SDCCAG8: variants seen among roughly 807,000 people sequenced by gnomAD.
SDCCAG8 encodes SHH signaling and ciliogenesis regulator SDCCAG8, also known as serologically defined colon cancer antigen 8.
In SDCCAG8, 74 loss-of-function variants were observed where a neutral mutation model predicts 101.8. The observed-to-expected ratio is 0.73, with a 90% CI of 0.60 to 0.88. The LOEUF is 0.88. SDCCAG8 is among the 40% of genes least tolerant of loss of function. The pLI, the probability that SDCCAG8 is intolerant of heterozygous loss-of-function variation, is 0.00. For missense variants in SDCCAG8, 787 were observed against 822.6 expected (o/e 0.96, Z 0.53); for synonymous variants, 281 against 292.9 (o/e 0.96, Z 0.41).
intron 12 of SDCCAG8, among the ~76,000 whole-genome samples, chr1:243,367,432 G>GTTT (rs559856164): frequency 1.3e-5 from 2 of 148,276 alleles, no homozygotes; most frequent in Admixed American, 6.8e-5. Context: ...GTTAGGTGTA[G>GTTT]TTTTTTTTTT....
chr1:243,436,214 A>C (rs1198987615), intron 16 of SDCCAG8, among the ~76,000 whole-genome samples: 1 of 151,220 alleles, frequency 6.6e-6, no homozygotes, highest in African/African-American at 2.4e-5. Flanking sequence ...TGTGAAGAGC[A>C]AAAGAACAAA....
intron 5 of SDCCAG8, 52 bp from the exon 6 acceptor site, chr1:243,293,039 A>C: frequency 6.2e-7 from 1 of 1,603,844 alleles, no homozygotes; most frequent in South Asian, 1.1e-5. Context: ...TAAAATATGC[A>C]TGTTTATTTA....
At chr1:243,407,131 A>G (rs929470401) in intron 13 of SDCCAG8, among the ~76,000 whole-genome samples, 10 of 152,072 alleles carry the variant, frequency 6.6e-5, no homozygotes, top group Admixed American at 1.3e-4. Context: ...GCATCCCCAT[A>G]CTTTTGTGCT....
chr1:243,378,702 C>T lies in SDCCAG8; in HGVS notation c.1474-19C>T, dbSNP rs777106641. The T allele has an allele frequency of 3.1e-6, 5 of 1,613,174 alleles. No homozygotes were observed. In the East Asian group the frequency reaches 8.9e-5, roughly 29 times the overall value. ...CATGTATTTTATATGGATGCTTTTT[C>T]CCCTTCTCTCTACCTAAGGAAATAG... is the stretch of plus-strand genomic sequence containing the variant. On this transcript the variant is annotated intron_variant, in intron 12 of 17. Coordinates refer to ENST00000366541, the MANE Select transcript of SDCCAG8 (RefSeq NM_006642.5).
chr1:243,500,085 T>C lies in SDCCAG8; in HGVS notation c.*300T>C, dbSNP rs941385064. On this transcript the variant is annotated 3_prime_UTR_variant, in exon 18 of 18. Transcript: ENST00000366541. The stretch of plus-strand genomic sequence containing the variant: ...ATATGATTTTCAATAAATGAACTTT[T>C]TAAAGACTTGAGTTGTAATGTTTCC... The C allele has an allele frequency of 2.4e-6, 1 of 421,210 alleles. No individual in the cohort carries two copies. The highest frequency in any genetic ancestry group is 2.0e-5 in the African/African-American group (1 of 51,226). 26.1% of individuals were successfully genotyped at this position (421,210 alleles called of 1,614,324 possible).
At position 243,458,752 on chromosome 1, in the gene SDCCAG8, G is replaced by T. The variant is rs1443585580; in HGVS notation, c.1986-30262G>T. Among the ~76,000 whole-genome samples, 1 of 152,212 alleles carries T rather than the reference G, an allele frequency of 6.6e-6. No homozygotes were observed. Among genetic ancestry groups the T allele is most frequent in the East Asian group, 1.9e-4 (1 of 5,202 alleles). On this transcript the variant is annotated intron_variant, in intron 16 of 17. Transcript: ENST00000366541. The surrounding 1 kb of genome is among the most constrained non-coding windows in gnomAD (Gnocchi z 4.5). ...GCTCCCATAATAGTAAAAATTTTTA[G>T]AAGCGCTTCCTGTGATTCCAGTCAG...
At chr1:243,369,607 G>A (rs960151308) in intron 12 of SDCCAG8, among the ~76,000 whole-genome samples, 1 of 152,130 alleles carries the variant, frequency 6.6e-6, no homozygotes, top group Non-Finnish European at 1.5e-5. Context: ...TGCATCTCTT[G>A]AGAGCCATTT....
At chr1:243,285,460 C>A (rs1258896438) in intron 4 of SDCCAG8, among the ~76,000 whole-genome samples, 1 of 152,098 alleles carries the variant, frequency 6.6e-6, no homozygotes, top group Admixed American at 6.5e-5. Context: ...ACTGAAAATT[C>A]AAAGTCCACA....
At chr1:243,428,060 G>A (rs945937797) in intron 16 of SDCCAG8, among the ~76,000 whole-genome samples, 4 of 152,248 alleles carry the variant, frequency 2.6e-5, no homozygotes, top group African/African-American at 9.6e-5. Flanking sequence ...CCCCAGTCCT[G>A]TGCACCTGGG....
At chr1:243,313,103 T>C (rs964350891) in intron 8 of SDCCAG8, among the ~76,000 whole-genome samples, 1 of 152,232 alleles carries the variant, frequency 6.6e-6, no homozygotes, top group African/African-American at 2.4e-5. Flanking sequence ...TTTCTGGGGC[T>C]TTAGTCCAGC....
At chr1:243,367,844 A>G (rs1440148987) in intron 12 of SDCCAG8, among the ~76,000 whole-genome samples, 1 of 151,310 alleles carries the variant, frequency 6.6e-6, no homozygotes, top group East Asian at 1.9e-4. Flanking sequence ...ATATATTAAC[A>G]TTTTAAGTGG....
Position 243,499,980 on chromosome 1 carries a change from A to C in SDCCAG8, c.*195A>C. 2 of 629,180 alleles carry C rather than the reference A, an allele frequency of 3.2e-6. No individual in the cohort carries two copies. Among genetic ancestry groups the C allele is most frequent in the East Asian group, 5.5e-5 (2 of 36,496 alleles). The allele number at this position is 629,180 out of a possible 1,614,324, so 39.0% of individuals were successfully genotyped here. A position where few individuals can be genotyped will look rare whatever the true frequency, so the allele number is the denominator to read the frequency against. ...TGGAGCTGGAGTCTGACTCTAGCTG[A>C]GCAGAGCTCCTGGTGTATGTTTTCA... On this transcript the variant is annotated 3_prime_UTR_variant, in exon 18 of 18. Coordinates refer to ENST00000366541, the MANE Select transcript of SDCCAG8 (RefSeq NM_006642.5).
chr1:243,426,121 CAGTA>C (rs2081323388), intron 15 of SDCCAG8, among the ~76,000 whole-genome samples: 1 of 152,176 alleles, frequency 6.6e-6, no homozygotes, highest in African/African-American at 2.4e-5. Context: ...AACAAGCACT[CAGTA>C]AGTATTTGTT....
At chr1:243,294,439 C>T (rs960123147) in intron 6 of SDCCAG8, among the ~76,000 whole-genome samples, 16 of 149,018 alleles carry the variant, frequency 1.1e-4, no homozygotes, top group Admixed American at 9.4e-4. Context: ...ATTCCAGGAG[C>T]TGAAAACAAA....
chr1:243,348,022 A>AT lies in SDCCAG8; in HGVS notation c.1473+3705dup, dbSNP rs111584268. Among the ~76,000 whole-genome samples the AT allele has an allele frequency of 5.9e-3, 689 of 116,920 alleles. 7 individuals carry two copies. The highest frequency in any genetic ancestry group is 0.015 in the African/African-American group (474 of 30,966). 76.7% of individuals were successfully genotyped at this position (116,920 alleles called of 152,430 possible). ...CCTCACCAACCCAGGCTGGACATGC[A>AT]TTTTTTTTTTTTTTCTTTTTTTTTT... On this transcript the variant is annotated intron_variant, in intron 12 of 17. Transcript: ENST00000366541.
intron 12 of SDCCAG8, among the ~76,000 whole-genome samples, chr1:243,363,329 C>T (rs964367517): frequency 6.6e-6 from 1 of 152,188 alleles, no homozygotes; most frequent in African/African-American, 2.4e-5. Flanking sequence ...GTGTAAGTAG[C>T]TTGCCTAGAT....
At chr1:243,269,783 C>G (rs996998195) in intron 1 of SDCCAG8, among the ~76,000 whole-genome samples, 6 of 152,200 alleles carry the variant, frequency 3.9e-5, no homozygotes, top group East Asian at 1.9e-4. Flanking sequence ...GAGAGCACTT[C>G]CCTTAGCAAG....
rs576126818 is a variant in SDCCAG8, at chr1:243,344,345, C to T, written c.1473+14C>T. ...ATTAAAGATCAGGTAAGAGAGGACA[C>T]AGCATAATTGCAGCAATTATAGATA... is the stretch of plus-strand genomic sequence containing the variant. On this transcript the variant is annotated intron_variant, in intron 12 of 17. Coordinates refer to ENST00000366541, the MANE Select transcript of SDCCAG8 (RefSeq NM_006642.5). 3.3e-6 allele frequency: 5 copies of T among 1,516,682 alleles called. No individual in the cohort carries two copies. The African/African-American group carries it at 5.5e-5, about 17-fold the overall frequency. The allele number at this position is 1,516,682 out of a possible 1,614,324, so 94.0% of individuals were successfully genotyped here.
intron 8 of SDCCAG8, among the ~76,000 whole-genome samples, chr1:243,309,161 A>C (rs764722895): frequency 1.3e-5 from 2 of 152,222 alleles, no homozygotes; most frequent in Non-Finnish European, 2.9e-5. Context: ...TTGGGATTTT[A>C]CTAAGGCAGG....
Sources: allele counts gnomAD v4.1 joint callset (sites outside exome capture counted in the v4.1 genomes callset), GRCh38; gene constraint gnomAD v4.1.1; non-coding constraint Gnocchi (gnomAD v3.1); transcripts MANE v1.5; gene names NCBI Gene and HGNC (gene_info 2026-07-23, HGNC 2026-07-21).